Variants in SERPINF2 observed in about 807,000 individuals in gnomAD.
SERPINF2 encodes the protein alpha-2-antiplasmin.
SERPINF2 carries 15 observed loss-of-function variants against 45.0 expected under a neutral mutation model. The observed-to-expected ratio is 0.33, with a 90% CI of 0.22 to 0.51. The LOEUF (loss-of-function observed/expected upper bound fraction) is 0.51. Ranked by LOEUF, SERPINF2 falls within the 20% of genes least tolerant of loss-of-function variation. SERPINF2 has a pLI of 0.97. For missense variants in SERPINF2, 518 were observed against 637.4 expected, an observed-to-expected ratio of 0.81 and a Z score of 2.02; for synonymous variants, 283 against 277.9, an observed-to-expected ratio of 1.02 and a Z score of -0.18.
At chr17:1,754,060 G>A in intron 9 of SERPINF2, 62 bp from the exon 10 acceptor site, 1 of 1,585,852 alleles carries the variant, frequency 6.3e-7, no homozygotes, top group Non-Finnish European at 8.5e-7. Flanking sequence ...ACCCTCCCAA[G>A]CAGCTCCAGG....
rs1232925495 is a variant in SERPINF2 at position 1,754,708 on chromosome 17, G to A, written c.*174G>A. The A allele has an allele frequency of 3.0e-6, 2 of 655,870 alleles. No homozygotes were observed. Among genetic ancestry groups the A allele is most frequent in the Non-Finnish European group, 4.9e-6 (2 of 406,186 alleles). The allele number at this position is 655,870 out of a possible 1,614,324, so 40.6% of individuals were successfully genotyped here. On this transcript the variant is annotated 3_prime_UTR_variant, in exon 10 of 10. Coordinates refer to ENST00000453066, the MANE Select transcript of SERPINF2 (RefSeq NM_000934.4). ...GGTGGGGGGGGGGCGCGGCTGGGAGGAGGGCAGGCATCGGGGAGCCGGGAG... is the reference window on the plus strand; with the variant it reads ...GGTGGGGGGGGGGCGCGGCTGGGAGAAGGGCAGGCATCGGGGAGCCGGGAG...
chr17:1,751,075 G>A (rs991506917), intron 8 of SERPINF2, among the ~76,000 whole-genome samples: 5 of 152,200 alleles, frequency 3.3e-5, no homozygotes, highest in African/African-American at 1.2e-4. Flanking sequence ...TACTCTGCCT[G>A]GAACCCAAGG....
intron 1 of SERPINF2, among the ~76,000 whole-genome samples, chr17:1,744,050 C>A (rs1905560138): frequency 6.6e-6 from 1 of 151,644 alleles, no homozygotes; most frequent in Non-Finnish European, 1.5e-5. Flanking sequence ...GGCCCACCAC[C>A]ACGCCTGGCT....
In SERPINF2 at chr17:1,745,830, G is replaced by C; in HGVS notation, c.288G>C (p.Leu96=). Residue 96 remains leucine, a synonymous_variant, in exon 5 of 10, where the codon CTG becomes CTC. Coordinates refer to ENST00000453066, the MANE Select transcript of SERPINF2 (RefSeq NM_000934.4). The surrounding 1 kb of genome is among the most constrained non-coding windows in gnomAD (Gnocchi z 6.2). The stretch of plus-strand genomic sequence containing the variant: ...CCTTCACTGCCGACCTGTTCTCCCT[G>C]GTGGCTCAAACGTCCACCTGCCCCA... ...MMAFTADLFS[L]VAQTSTCPNL... 1 of 1,613,978 alleles carries C rather than the reference G, an allele frequency of 6.2e-7. No individual in the cohort carries two copies. The highest frequency in any genetic ancestry group is 8.5e-7 in the Non-Finnish European group (1 of 1,180,014).
chr17:1,745,427 C>A lies in SERPINF2; in HGVS notation c.165+32C>A. On this transcript the variant is annotated intron_variant, in intron 4 of 9. Transcript: ENST00000453066. The surrounding 1 kb of genome is among the most constrained non-coding windows in gnomAD (Gnocchi z 6.2). The stretch of plus-strand genomic sequence containing the variant: ...CCAGGTGGGGCTGGGGAAGAGTGGG[C>A]GGGGCTAGAGGGAGGAGGGCCCATC... The A allele has an allele frequency of 3.2e-6, 1 of 315,304 alleles. No homozygotes were observed. The highest frequency in any genetic ancestry group is 4.9e-6 in the Non-Finnish European group (1 of 204,016). 19.5% of individuals were successfully genotyped at this position (315,304 alleles called of 1,614,324 possible). A position where few individuals can be genotyped will look rare whatever the true frequency, so the allele number is the denominator to read the frequency against.
In SERPINF2 at chr17:1,745,097, G is replaced by A. The variant is rs775794693; in HGVS notation, c.63+39G>A. ...GAAGTCAAGGTGGGGTGGGGTGGAG[G>A]GGGAAGAAGAGGGGCGTTGGCATGG... On this transcript the variant is annotated intron_variant, in intron 2 of 9. Coordinates refer to ENST00000453066, the MANE Select transcript of SERPINF2 (RefSeq NM_000934.4). This position sits in a 1 kb window ranked among gnomAD's most constrained non-coding sequence, Gnocchi z 6.2. 11 of 1,609,756 alleles carry A rather than the reference G, an allele frequency of 6.8e-6. No individual in the cohort carries two copies. The highest frequency in any genetic ancestry group is 9.3e-6 in the Non-Finnish European group (11 of 1,179,048).
In SERPINF2 at chr17:1,746,317, AAAC is replaced by A. The variant is rs537029104; in HGVS notation, c.367+423_367+425del. Reference sequence around the variant, plus strand: ...GGGTGACAGAGCAAGATTCCGTCTCAAACAACAACAACAACAAATGCAGATTCC... The same window carrying A: ...GGGTGACAGAGCAAGATTCCGTCTCAAACAACAACAACAAATGCAGATTCC... On this transcript the variant is annotated intron_variant, in intron 5 of 9. Transcript: ENST00000453066. Among the ~76,000 whole-genome samples the A allele has an allele frequency of 3.0e-4, 46 of 152,030 alleles. No homozygotes were observed. In the South Asian group the frequency reaches 7.5e-3, roughly 25 times the overall value.
At chr17:1,743,690 G>A (rs117894712) in intron 1 of SERPINF2, among the ~76,000 whole-genome samples, 5,687 of 132,066 alleles carry the variant, frequency 0.043, 196 homozygotes, top group South Asian at 0.2. Flanking sequence ...ACTCCAGCCT[G>A]CATGATAAGA....
Position 1,754,520 on chromosome 17 carries a change from G to A in SERPINF2, c.1462G>A (p.Gly488Ser). Residue 488 changes from glycine to serine, a missense_variant, in exon 10 of 10, where the codon GGC becomes AGC. Physicochemically the swap from Gly to Ser is moderately conservative, Grantham distance 56. Coordinates refer to ENST00000453066, the MANE Select transcript of SERPINF2 (RefSeq NM_000934.4). ...CATGGAGGAGGATTACCCCCAGTTT[G>A]GCAGCCCCAAGTGAGGGGCCGTGGC... ...PPMEEDYPQF[G>S]SPK 1 of 1,609,918 alleles carries A rather than the reference G, an allele frequency of 6.2e-7. No individual in the cohort carries two copies. Among genetic ancestry groups the A allele is most frequent in the Non-Finnish European group, 8.5e-7 (1 of 1,179,366 alleles).
intron 1 of SERPINF2, chr17:1,744,718 C>T (rs2151187332): frequency 1.0e-6 from 1 of 985,430 alleles, no homozygotes; most frequent in African/African-American, 1.7e-5. Context: ...GATTTGGTAT[C>T]TCCCTCCTAT....
chr17:1,746,271 G>A (rs574709551), intron 5 of SERPINF2, among the ~76,000 whole-genome samples: 20 of 151,938 alleles, frequency 1.3e-4, no homozygotes, highest in African/African-American at 4.8e-4. Context: ...GAGCCGAGAT[G>A]GCGCCACTGC....
At position 1,747,531 on chromosome 17, in the gene SERPINF2, C is replaced by G; in HGVS notation, c.715+19C>G. On this transcript the variant is annotated intron_variant, in intron 7 of 9. Transcript: ENST00000453066. ...TTCCAGGGTGCGCTCCTCCTCCTCT[C>G]AGATCCCCCACCCTGTAGGCTGAGC... 1 of 1,611,198 alleles carries G rather than the reference C, an allele frequency of 6.2e-7. No individual in the cohort carries two copies. The highest frequency in any genetic ancestry group is 8.5e-7 in the Non-Finnish European group (1 of 1,178,414).
chr17:1,754,314 T>C lies in SERPINF2; in HGVS notation c.1256T>C (p.Ile419Thr), dbSNP rs1906647619. 10 of 1,614,072 alleles carry C rather than the reference T, an allele frequency of 6.2e-6. No individual in the cohort carries two copies. The highest frequency in any genetic ancestry group is 1.3e-5 in the African/African-American group (1 of 74,948). ...GTGAACCGCCCCTTCCTCTTCTTCA[T>C]CTTCGAGGACACCACAGGCCTTCCC... Reference protein sequence around the residue: ...FSVNRPFLFFIFEDTTGLPLF... With the variant: ...FSVNRPFLFFTFEDTTGLPLF... The change falls in exon 10 of 10, where the codon ATC (isoleucine) becomes ACC (threonine). Residue 419 changes from isoleucine to threonine, a missense_variant. By Grantham distance (89) the Ile-to-Thr change is moderately conservative (BLOSUM62 -1). Around this residue, in one of 2 missense-constraint regions of SERPINF2, gnomAD observed 435 missense variants for 577.3 expected, o/e 0.75. Transcript: ENST00000453066.
chr17:1,745,835 C>T lies in SERPINF2; in HGVS notation c.293C>T (p.Ala98Val), dbSNP rs36021516. 6.2e-7 allele frequency: 1 copy of T among 1,614,064 alleles called. No homozygotes were observed. Among genetic ancestry groups the T allele is most frequent in the Non-Finnish European group, 8.5e-7 (1 of 1,180,016 alleles). The change falls in exon 5 of 10, where the codon GCT becomes GTT. Residue 98 changes from alanine (A) to valine (V), a missense_variant. By Grantham distance (64) the Ala-to-Val change is moderately conservative. Coordinates refer to ENST00000453066, the MANE Select transcript of SERPINF2 (RefSeq NM_000934.4). The surrounding 1 kb of genome is among the most constrained non-coding windows in gnomAD (Gnocchi z 6.2). ...ACTGCCGACCTGTTCTCCCTGGTGG[C>T]TCAAACGTCCACCTGCCCCAACCTC... The part of the protein sequence containing the change: ...AFTADLFSLV[A>V]QTSTCPNLIL...
chr17:1,753,266 G>A (rs769641922), intron 9 of SERPINF2, among the ~76,000 whole-genome samples: 17 of 152,240 alleles, frequency 1.1e-4, no homozygotes, highest in Non-Finnish European at 1.9e-4. Context: ...TTAGCCAGGT[G>A]TGGTGCATGC....
chr17:1,748,655 A>G lies in SERPINF2; in HGVS notation c.773A>G (p.Asp258Gly). The G allele has an allele frequency of 6.2e-7, 1 of 1,614,006 alleles. No homozygotes were observed. Among genetic ancestry groups the G allele is most frequent in the South Asian group, 1.1e-5 (1 of 91,086 alleles). ...ACCCAGAGAGACTCCTTCCACCTGG[A>G]CGAGCAGTTCACGGTGCCCGTGGAA... The part of the protein sequence containing the change: ...SLTQRDSFHL[D>G]EQFTVPVEMM... The change falls in exon 8 of 10, where the codon GAC becomes GGC. Residue 258 changes from aspartate (D) to glycine (G), a missense_variant. Around this residue, in one of 2 missense-constraint regions of SERPINF2, gnomAD observed 435 missense variants for 577.3 expected, o/e 0.75. Transcript: ENST00000453066.
At chr17:1,753,345 T>C (rs1906550257) in intron 9 of SERPINF2, among the ~76,000 whole-genome samples, 1 of 152,142 alleles carries the variant, frequency 6.6e-6, no homozygotes, top group African/African-American at 2.4e-5. Flanking sequence ...GCCATAATTG[T>C]GCCACTGCAC....
chr17:1,752,854 G>T, intron 9 of SERPINF2, 64 bp downstream of exon 9: 1 of 1,442,152 alleles, frequency 6.9e-7, no homozygotes. Flanking sequence ...AGGAGGAAGC[G>T]TCTGGCTGGC....
Position 1,745,965 on chromosome 17 carries a change from G to A in SERPINF2, c.367+56G>A. 6.3e-7 allele frequency: 1 copy of A among 1,582,690 alleles called. No individual in the cohort carries two copies. Reference sequence around the variant, plus strand: ...GAGCTGGGAGGCCAGTAGGAACTCAGTACTCCAATGGTTCTCCGCGGGCGG... The same window carrying A: ...GAGCTGGGAGGCCAGTAGGAACTCAATACTCCAATGGTTCTCCGCGGGCGG... On this transcript the variant is annotated intron_variant, in intron 5 of 9. Transcript: ENST00000453066. This position sits in a 1 kb window ranked among gnomAD's most constrained non-coding sequence, Gnocchi z 6.2.
Sources: gnomAD v4.1 joint callset for allele counts (sites outside exome capture counted in the v4.1 genomes callset) on GRCh38, gnomAD v4.1.1 for gene constraint, gnomAD v4.1.1 regional missense constraint, Gnocchi (gnomAD v3.1) non-coding constraint, MANE v1.5 for transcripts, NCBI Gene and HGNC (gene_info 2026-07-23, HGNC 2026-07-21) for gene names.